DMD: variants seen among roughly 807,000 people sequenced by gnomAD.
DMD encodes the protein mutant dystrophin.
In DMD, 63 loss-of-function variants were observed where a neutral mutation model predicts 330.1. That is an observed-to-expected ratio of 0.19 (90% confidence interval 0.16 to 0.24). The LOEUF (loss-of-function observed/expected upper bound fraction) is 0.24. DMD is among the 10% of genes least tolerant of loss of function. The pLI, the probability that DMD is intolerant of heterozygous loss-of-function variation, is 1.00. For missense variants in DMD, 3,344 were observed against 2,684.1 expected, an observed-to-expected ratio of 1.25 and a Z score of -5.43; for synonymous variants, 1,223 against 959.8, an observed-to-expected ratio of 1.27 and a Z score of -5.07.
chrX:32,679,681 C>A (rs1337244253), intron 9 of DMD, among the ~76,000 whole-genome samples: 8 of 110,080 alleles, frequency 7.3e-5, no homozygotes, highest in African/African-American at 2.6e-4. Flanking sequence ...AATGGAAATA[C>A]TATTTTGTTT....
At chrX:31,365,517 G>C (rs1377536038) in intron 60 of DMD, among the ~76,000 whole-genome samples, 2 of 111,970 alleles carry the variant, frequency 1.8e-5, no homozygotes, top group Admixed American at 1.9e-4. Flanking sequence ...GTTACAAAAA[G>C]GTACTTGGAC....
In DMD at chrX:31,521,650, T is replaced by G. The variant is rs145464118; in HGVS notation, c.8218-14197A>C. On this transcript the variant is annotated intron_variant, in intron 55 of 78. Transcript: ENST00000357033. ...ATAGTGCTTTACCATGGACAAATGTTTTTGATCCACCCTTCTAAGGCAGGG... is the reference window on the plus strand; with the variant it reads ...ATAGTGCTTTACCATGGACAAATGTGTTTGATCCACCCTTCTAAGGCAGGG... 2.9e-4 allele frequency among the ~76,000 whole-genome samples: 32 copies of G among 112,244 alleles called. No homozygotes were observed. In the East Asian group the frequency reaches 7.3e-3, roughly 26 times the overall value.
chrX:31,204,059 G>C lies in DMD; in HGVS notation c.9709C>G (p.Leu3237Val). The change falls in exon 67 of 79, where the codon CTT (leucine) becomes GTT (valine). Residue 3237 changes from leucine (L) to valine (V), a missense_variant. Physicochemically the swap from Leu to Val is conservative, Grantham distance 32. Transcript: ENST00000357033. ...GGAATTTGGATAGAATCATGCAGAA[G>C]GAGGCCCAGCCTGCGCTGGTCACAA... The part of the protein sequence containing the change: ...GFCDQRRLGL[L>V]LHDSIQIPRQ... The C allele has an allele frequency of 8.3e-7, 1 of 1,210,984 alleles. No homozygotes were observed. The highest frequency in any genetic ancestry group is 3.0e-5 in the East Asian group (1 of 33,839).
At chrX:32,586,162 G>C (rs2054270046) in intron 13 of DMD, among the ~76,000 whole-genome samples, 1 of 110,817 alleles carries the variant, frequency 9.0e-6, no homozygotes, top group Non-Finnish European at 1.9e-5. Context: ...TTATATTTAA[G>C]TAAATAAAAT....
rs768291587 is a variant in DMD at position 31,792,829 on chromosome X, G to A, written c.7310-18637C>T. ...TCTGCCATCCACGGACAGCTTAGGCGTTAACAGCTCAGTGGGCCATTTGTC... is the reference window on the plus strand; with the variant it reads ...TCTGCCATCCACGGACAGCTTAGGCATTAACAGCTCAGTGGGCCATTTGTC... On this transcript the variant is annotated intron_variant, in intron 50 of 78. Coordinates refer to ENST00000357033, the MANE Select transcript of DMD (RefSeq NM_004006.3). 2.7e-5 allele frequency among the ~76,000 whole-genome samples: 3 copies of A among 111,780 alleles called. No individual in the cohort carries two copies. The South Asian group carries it at 1.1e-3, about 42-fold the overall frequency.
At chrX:32,792,002 G>T (rs748860557) in intron 7 of DMD, among the ~76,000 whole-genome samples, 2 of 111,704 alleles carry the variant, frequency 1.8e-5, no homozygotes, top group African/African-American at 6.5e-5. Context: ...AAAGCACCTT[G>T]TCACTTATAA....
chrX:32,005,288 T>C (rs922211606), intron 44 of DMD, among the ~76,000 whole-genome samples: 3 of 111,557 alleles, frequency 2.7e-5, no homozygotes, highest in African/African-American at 9.8e-5. Flanking sequence ...AAATTAGCTT[T>C]TTATAGGACA....
chrX:32,100,430 G>A, intron 44 of DMD, among the ~76,000 whole-genome samples: 1 of 107,409 alleles, frequency 9.3e-6, no homozygotes, highest in East Asian at 2.9e-4. Context: ...AAATGTAAAT[G>A]CATTTATCTC....
chrX:31,146,198 G>T, intron 76 of DMD, 93 bp downstream of exon 76: 1 of 1,040,048 alleles, frequency 9.6e-7, no homozygotes, highest in South Asian at 1.9e-5. Flanking sequence ...ATACCAAGAT[G>T]AGTCAAACAC....
At chrX:31,163,176 T>A (rs73462311) in intron 74 of DMD, among the ~76,000 whole-genome samples, 11,666 of 111,485 alleles carry the variant, frequency 0.1, 1,090 homozygotes, top group African/African-American at 0.28. Context: ...TGATCTTGAA[T>A]TATAGCTCTC....
rs1171543953 is a variant in DMD at position 32,312,941 on chromosome X, C to CAAAAAAAAAA, written c.5923-2666_5923-2665insTTTTTTTTTT. On this transcript the variant is annotated intron_variant, in intron 41 of 78. Coordinates refer to ENST00000357033, the MANE Select transcript of DMD (RefSeq NM_004006.3). ...AATTGAGGCAGTAATAGCCTACGAA[C>CAAAAAAAAAA]CAAAAAAAAAAAAAAAAAAAAAAGC... Among the ~76,000 whole-genome samples, 10 of 19,173 alleles carry CAAAAAAAAAA rather than the reference C, an allele frequency of 5.2e-4. 1 individual carries two copies. Among genetic ancestry groups the CAAAAAAAAAA allele is most frequent in the Non-Finnish European group, 1.1e-3 (10 of 9,329 alleles). The allele number at this position is 19,173 out of a possible 115,157, so 16.6% of individuals were successfully genotyped here. A position where few individuals can be genotyped will look rare whatever the true frequency, so the allele number is the denominator to read the frequency against.
chrX:32,507,364 T>C (rs1217997687), intron 18 of DMD, among the ~76,000 whole-genome samples: 1 of 111,824 alleles, frequency 8.9e-6, no homozygotes, highest in African/African-American at 3.2e-5. Flanking sequence ...ATATAAAAAG[T>C]AGAATGAGAA....
intron 60 of DMD, among the ~76,000 whole-genome samples, chrX:31,371,137 G>C: frequency 9.0e-6 from 1 of 111,072 alleles, no homozygotes; most frequent in East Asian, 2.8e-4. Flanking sequence ...TTGTGACATT[G>C]AACTAGAGTT....
In DMD at chrX:32,962,742, G is replaced by A. The variant is rs559832717; in HGVS notation, c.93+57397C>T. Among the ~76,000 whole-genome samples, 72 of 111,896 alleles carry A rather than the reference G, an allele frequency of 6.4e-4. 1 individual carries two copies. The South Asian group carries it at 9.0e-3, about 14-fold the overall frequency. On this transcript the variant is annotated intron_variant, in intron 2 of 78. Transcript: ENST00000357033. Reference sequence around the variant, plus strand: ...ACTGATCTGGCTTAATAATATATAGGATTTAACTTCCTGTACTTGATATGC... The same window carrying A: ...ACTGATCTGGCTTAATAATATATAGAATTTAACTTCCTGTACTTGATATGC...
At chrX:31,973,411 G>A (rs1341774599) in intron 44 of DMD, among the ~76,000 whole-genome samples, 1 of 110,542 alleles carries the variant, frequency 9.0e-6, no homozygotes, top group Admixed American at 9.6e-5. Context: ...GAAAGTTATA[G>A]GAGGTAAGAA....
In DMD at chrX:32,595,658, T is replaced by A. The variant is rs766799605; in HGVS notation, c.1602+99A>T. 1.0e-4 allele frequency: 83 copies of A among 806,596 alleles called. No individual in the cohort carries two copies. The Admixed American group carries it at 1.8e-3, about 18-fold the overall frequency. The allele number at this position is 806,596 out of a possible 1,213,427, so 66.5% of individuals were successfully genotyped here. A position where few individuals can be genotyped will look rare whatever the true frequency, so the allele number is the denominator to read the frequency against. ...TATTGTACACATATTGTATTCTAAG[T>A]ATTTTAATATATAAATTGCATTCTA... On this transcript the variant is annotated intron_variant, in intron 13 of 78. Transcript: ENST00000357033.
intron 18 of DMD, among the ~76,000 whole-genome samples, chrX:32,504,382 G>A (rs998277887): frequency 1.1e-4 from 12 of 111,334 alleles, no homozygotes; most frequent in African/African-American, 3.9e-4. Flanking sequence ...CCAGCACTTT[G>A]GGGGGCCAAC....
chrX:32,480,912 A>G (rs888409407), intron 21 of DMD, among the ~76,000 whole-genome samples: 17 of 111,229 alleles, frequency 1.5e-4, no homozygotes, highest in African/African-American at 5.2e-4. Context: ...AATGCAACAG[A>G]TTATGTGTCT....
At chrX:31,434,418 GCACACA>G (rs10572572) in intron 60 of DMD, among the ~76,000 whole-genome samples, 5,699 of 77,889 alleles carry the variant, frequency 0.073, 204 homozygotes, top group Middle Eastern at 0.11. Context: ...CAGCGCGCGC[GCACACA>G]CACACACACA....
Sources: gnomAD v4.1 joint callset for allele counts (sites outside exome capture counted in the v4.1 genomes callset) on GRCh38, gnomAD v4.1.1 for gene constraint, MANE v1.5 for transcripts, NCBI Gene and HGNC (gene_info 2026-07-23, HGNC 2026-07-21) for gene names.